The following KCNIP4 variants were observed in gnomAD, a reference collection of about 807,000 sequenced individuals.
KCNIP4 encodes Kv channel-interacting protein 4.
KCNIP4 carries 12 observed loss-of-function variants against 34.0 expected under a neutral mutation model. That is an observed-to-expected ratio of 0.35 (90% CI 0.23 to 0.57). The LOEUF is 0.57. Among genes scored for constraint, KCNIP4 ranks in the 20% least tolerant of loss-of-function variants. KCNIP4 has a pLI of 0.83. For missense variants in KCNIP4, 238 were observed against 311.7 expected (o/e 0.76, Z 1.78); for synonymous variants, 124 against 102.2 (o/e 1.21, Z -1.29).
At chr4:21,193,881 TTTTA>T (rs1755865115) in intron 1 of KCNIP4, among the ~76,000 whole-genome samples, 1 of 152,192 alleles carries the variant, frequency 6.6e-6, no homozygotes, top group Non-Finnish European at 1.5e-5. Context: ...TAAAATTTAT[TTTTA>T]AACTACAAGA....
chr4:21,118,267 G>C (rs1749857305), intron 1 of KCNIP4, among the ~76,000 whole-genome samples: 1 of 152,142 alleles, frequency 6.6e-6, no homozygotes. Context: ...AAACGGTCCA[G>C]GAAGCCAAAC....
chr4:21,277,236 G>T (rs1334539253), intron 1 of KCNIP4, among the ~76,000 whole-genome samples: 1 of 152,092 alleles, frequency 6.6e-6, no homozygotes, highest in African/African-American at 2.4e-5. Flanking sequence ...TCAGCCTACA[G>T]TGAAAGTCAC....
At chr4:21,319,340 A>C (rs1714132831) in intron 1 of KCNIP4, among the ~76,000 whole-genome samples, 1 of 152,212 alleles carries the variant, frequency 6.6e-6, no homozygotes, top group Admixed American at 6.5e-5. Flanking sequence ...CATGCTATAC[A>C]CAGAGTGAAC....
chr4:21,374,211 A>G (rs1224001768), intron 1 of KCNIP4, among the ~76,000 whole-genome samples: 1 of 147,194 alleles, frequency 6.8e-6, no homozygotes, highest in Non-Finnish European at 1.5e-5. Flanking sequence ...CACCCTGCTG[A>G]TAAAGACATA....
At chr4:20,813,043 A>C (rs1192660904) in intron 3 of KCNIP4, among the ~76,000 whole-genome samples, 3 of 152,086 alleles carry the variant, frequency 2.0e-5, no homozygotes, top group Admixed American at 6.6e-5. Flanking sequence ...AAGTATATGT[A>C]AGTGATGTTG....
At chr4:21,224,810 C>T (rs1758253859) in intron 1 of KCNIP4, among the ~76,000 whole-genome samples, 1 of 151,874 alleles carries the variant, frequency 6.6e-6, no homozygotes, top group South Asian at 2.1e-4. Flanking sequence ...TGCTCTTGAA[C>T]TTCTGACCTC....
At chr4:21,259,684 G>A (rs762051129) in intron 1 of KCNIP4, among the ~76,000 whole-genome samples, 6 of 152,214 alleles carry the variant, frequency 3.9e-5, no homozygotes, top group South Asian at 4.1e-4. Flanking sequence ...AGTGCCTTAC[G>A]GTCAGGTGGG....
intron 1 of KCNIP4, among the ~76,000 whole-genome samples, chr4:21,894,001 A>T (rs574362612): frequency 7.2e-5 from 11 of 152,202 alleles, no homozygotes; most frequent in Admixed American, 6.5e-4. Flanking sequence ...CTATGGAATA[A>T]TCTGTCACCT....
At chr4:21,920,743 A>G (rs541587107) in intron 1 of KCNIP4, among the ~76,000 whole-genome samples, 21 of 152,208 alleles carry the variant, frequency 1.4e-4, no homozygotes, top group Admixed American at 3.9e-4. Flanking sequence ...TGGAGATCCT[A>G]TAACCAATCC....
chr4:21,203,270 A>C (rs576829835), intron 1 of KCNIP4, among the ~76,000 whole-genome samples: 11 of 152,294 alleles, frequency 7.2e-5, no homozygotes, highest in African/African-American at 2.4e-4. Flanking sequence ...CAGCAGGAAG[A>C]GACTCAGAGT....
At chr4:21,165,955 G>C (rs926912097) in intron 1 of KCNIP4, among the ~76,000 whole-genome samples, 1 of 152,154 alleles carries the variant, frequency 6.6e-6, no homozygotes, top group Non-Finnish European at 1.5e-5. Context: ...CTTCCACCTT[G>C]GGAGGACACA....
chr4:21,687,604 G>A (rs1050591724), intron 1 of KCNIP4, among the ~76,000 whole-genome samples: 1 of 152,102 alleles, frequency 6.6e-6, no homozygotes, highest in Non-Finnish European at 1.5e-5. Context: ...TTAGGTAGTG[G>A]TAATTTTTAT....
intron 1 of KCNIP4, among the ~76,000 whole-genome samples, chr4:21,760,509 G>A (rs1267432237): frequency 2.0e-5 from 3 of 152,098 alleles, no homozygotes; most frequent in Non-Finnish European, 4.4e-5. Flanking sequence ...ATGGGTTTTA[G>A]AGACTGACTT....
At chr4:21,075,095 T>C (rs1440155199) in intron 1 of KCNIP4, among the ~76,000 whole-genome samples, 1 of 152,226 alleles carries the variant, frequency 6.6e-6, no homozygotes, top group African/African-American at 2.4e-5. Context: ...GATGTGGTGC[T>C]GAGAAGAATG....
chr4:21,735,807 A>T (rs1427248851), intron 1 of KCNIP4, among the ~76,000 whole-genome samples: 2 of 152,178 alleles, frequency 1.3e-5, no homozygotes, highest in African/African-American at 2.4e-5. Context: ...AACTAGAAAC[A>T]CCTTTGAAGT....
intron 1 of KCNIP4, among the ~76,000 whole-genome samples, chr4:20,929,473 T>C (rs978647699): frequency 2.0e-5 from 3 of 152,012 alleles, no homozygotes; most frequent in African/African-American, 7.2e-5. Flanking sequence ...TAAGATCCAG[T>C]GCAAAGCACA....
chr4:20,944,253 T>C (rs1467715533), intron 1 of KCNIP4, among the ~76,000 whole-genome samples: 1 of 152,208 alleles, frequency 6.6e-6, no homozygotes, highest in Admixed American at 6.5e-5. Context: ...CCATGAGTGA[T>C]CTGGAGGAGC....
chr4:21,705,541 A>G (rs1017953525), intron 1 of KCNIP4, among the ~76,000 whole-genome samples: 9 of 152,130 alleles, frequency 5.9e-5, no homozygotes, highest in African/African-American at 1.9e-4. Context: ...AGTGAACCCA[A>G]TAGACAAAAT....
intron 1 of KCNIP4, among the ~76,000 whole-genome samples, chr4:21,436,104 C>T (rs867781435): frequency 2.1e-4 from 32 of 152,174 alleles, no homozygotes; most frequent in African/African-American, 7.5e-4. Flanking sequence ...TGTTCACTCT[C>T]TGGCTAAAAG....
Sources: gnomAD v4.1 joint callset for allele counts (sites outside exome capture counted in the v4.1 genomes callset) on GRCh38, gnomAD v4.1.1 for gene constraint, MANE v1.5 for transcripts, NCBI Gene and HGNC (gene_info 2026-07-23, HGNC 2026-07-21) for gene names.